The following AIG1 variants were observed in gnomAD, a reference collection of about 807,000 sequenced individuals.
The protein encoded by AIG1 is androgen induced 1, also known as androgen-induced gene 1 protein.
AIG1 carries 23 observed loss-of-function variants against 31.4 expected under a neutral mutation model. The ratio of observed to expected loss-of-function variants is 0.73; its 90% CI spans 0.53 to 1.04. The LOEUF (loss-of-function observed/expected upper bound fraction) is 1.04, where lower values mean the gene tolerates loss of function less well. Ranked by LOEUF, AIG1 falls within the 50% of genes least tolerant of loss-of-function variation. The pLI is 0.00. For synonymous variants in AIG1, 100 were observed against 110.5 expected (o/e 0.90, Z 0.60); for missense variants, 274 against 295.0 (o/e 0.93, Z 0.52).
intron 3 of AIG1, among the ~76,000 whole-genome samples, chr6:143,233,901 C>T (rs1793626527): frequency 6.6e-6 from 1 of 152,222 alleles, no homozygotes; most frequent in Admixed American, 6.5e-5. Flanking sequence ...TGCTGTGCCA[C>T]ATGTAAATAA....
At chr6:143,265,799 TCA>T (rs1351051285) in intron 3 of AIG1, among the ~76,000 whole-genome samples, 4 of 152,174 alleles carry the variant, frequency 2.6e-5, no homozygotes, top group African/African-American at 7.2e-5. Context: ...CCTTCGGTAT[TCA>T]CAGTGTTTCT....
intron 1 of AIG1, among the ~76,000 whole-genome samples, chr6:143,121,414 C>G (rs1782235136): frequency 1.3e-5 from 2 of 152,208 alleles, no homozygotes; most frequent in African/African-American, 4.8e-5. Flanking sequence ...TTTCAAAGTG[C>G]CTGAGCATAC....
At chr6:143,119,326 A>G (rs923748482) in intron 1 of AIG1, among the ~76,000 whole-genome samples, 1 of 152,206 alleles carries the variant, frequency 6.6e-6, no homozygotes, top group Non-Finnish European at 1.5e-5. Context: ...CTACAATTCA[A>G]AAGTATTGTA....
intron 4 of AIG1, among the ~76,000 whole-genome samples, chr6:143,317,644 G>A (rs1244319903): frequency 6.6e-6 from 1 of 151,968 alleles, no homozygotes; most frequent in Admixed American, 6.6e-5. Context: ...AATACTGGAA[G>A]TCCTAGCAAG....
intron 3 of AIG1, among the ~76,000 whole-genome samples, chr6:143,281,855 G>A (rs982414714): frequency 6.6e-6 from 1 of 152,206 alleles, no homozygotes; most frequent in Admixed American, 6.5e-5. Context: ...CACATGCACA[G>A]CTAGCCACAA....
At chr6:143,300,366 C>T (rs772904607) in intron 4 of AIG1, among the ~76,000 whole-genome samples, 1 of 152,140 alleles carries the variant, frequency 6.6e-6, no homozygotes, top group South Asian at 2.1e-4. Flanking sequence ...GCAATTCTCC[C>T]GTTTTCTTTG....
At chr6:143,255,089 C>T (rs1795288417) in intron 3 of AIG1, among the ~76,000 whole-genome samples, 1 of 152,186 alleles carries the variant, frequency 6.6e-6, no homozygotes, top group South Asian at 2.1e-4. Context: ...TAGGTAAACT[C>T]TCACATAAGA....
At chr6:143,324,007 A>G (rs976116132) in intron 4 of AIG1, among the ~76,000 whole-genome samples, 1 of 152,172 alleles carries the variant, frequency 6.6e-6, no homozygotes, top group Non-Finnish European at 1.5e-5. Flanking sequence ...CTGTCCTTGA[A>G]AAGTCCTTCA....
At chr6:143,263,099 G>T (rs1192053408) in intron 3 of AIG1, among the ~76,000 whole-genome samples, 1 of 152,088 alleles carries the variant, frequency 6.6e-6, no homozygotes, top group Non-Finnish European at 1.5e-5. Flanking sequence ...AGGAAGATCC[G>T]ATTAGTACAT....
intron 4 of AIG1, among the ~76,000 whole-genome samples, chr6:143,310,469 C>A (rs901730962): frequency 6.6e-6 from 1 of 151,218 alleles, no homozygotes; most frequent in African/African-American, 2.4e-5. Flanking sequence ...TATAACTCAC[C>A]AAAATTTTTG....
chr6:143,318,748 C>T (rs113029126), intron 4 of AIG1, among the ~76,000 whole-genome samples: 11,590 of 151,826 alleles, frequency 0.076, 865 homozygotes, highest in Admixed American at 0.24. Flanking sequence ...GGACCAATAT[C>T]CAGAATCTAC....
chr6:143,113,099 G>A (rs1207520574), intron 1 of AIG1, among the ~76,000 whole-genome samples: 1 of 151,692 alleles, frequency 6.6e-6, no homozygotes, highest in Admixed American at 6.6e-5. Flanking sequence ...GAGGTGGGAA[G>A]ATGGCTTGAG....
At chr6:143,235,605 C>T (rs945330810) in intron 3 of AIG1, among the ~76,000 whole-genome samples, 1 of 136,940 alleles carries the variant, frequency 7.3e-6, no homozygotes, top group African/African-American at 2.9e-5. Flanking sequence ...ACTCTCTTCT[C>T]CCCTGATTCA....
intron 3 of AIG1, among the ~76,000 whole-genome samples, chr6:143,241,568 C>T (rs1794243920): frequency 6.6e-6 from 1 of 152,198 alleles, no homozygotes; most frequent in African/African-American, 2.4e-5. Flanking sequence ...TTAACAAATA[C>T]TTCCACTGTG....
intron 1 of AIG1, among the ~76,000 whole-genome samples, chr6:143,118,587 T>A (rs543778609): frequency 1.5e-4 from 23 of 152,340 alleles, no homozygotes; most frequent in Middle Eastern, 3.4e-3. Flanking sequence ...AAGATGCCTT[T>A]CAGAAAAATG....
chr6:143,072,137 A>G (rs1777347382), intron 1 of AIG1, among the ~76,000 whole-genome samples: 1 of 152,092 alleles, frequency 6.6e-6, no homozygotes, highest in Admixed American at 6.6e-5. Context: ...ACGACGTTGA[A>G]TATATTTTCA....
At chr6:143,305,363 G>T (rs1799189491) in intron 4 of AIG1, among the ~76,000 whole-genome samples, 1 of 151,998 alleles carries the variant, frequency 6.6e-6, no homozygotes, top group South Asian at 2.1e-4. Context: ...TGGGCATTTA[G>T]TGCTATAAAT....
At chr6:143,084,413 C>G (rs1583113431) in intron 1 of AIG1, among the ~76,000 whole-genome samples, 1 of 152,188 alleles carries the variant, frequency 6.6e-6, no homozygotes, top group Non-Finnish European at 1.5e-5. Context: ...TTTGCCCAGC[C>G]TTTCCCTGTT....
rs142116997 is a variant in AIG1, at chr6:143,311,886, C to G, written c.516-21396C>G. Among the ~76,000 whole-genome samples the G allele has an allele frequency of 5.0e-3, 753 of 152,034 alleles. 4 individuals are homozygous for G. Among genetic ancestry groups the G allele is most frequent in the African/African-American group, 0.017 (708 of 41,514 alleles). ...AGTTGCAGGATACAAAATCAACATA[C>G]AAAAATCAGTAGCATTTCAATATGC... On this transcript the variant is annotated intron_variant, in intron 4 of 5. Coordinates refer to ENST00000357847, the MANE Select transcript of AIG1 (RefSeq NM_016108.4).
Sources: gnomAD v4.1 joint callset for allele counts (sites outside exome capture counted in the v4.1 genomes callset) on GRCh38, gnomAD v4.1.1 for gene constraint, MANE v1.5 for transcripts, NCBI Gene and HGNC (gene_info 2026-07-23, HGNC 2026-07-21) for gene names.